The following DPY19L1 variants were observed in gnomAD, a reference collection of about 807,000 sequenced individuals.
DPY19L1 encodes the protein protein C-mannosyl-transferase DPY19L1.
Under a neutral mutation model 96.9 loss-of-function variants are expected in DPY19L1, and 35 were observed. The observed-to-expected ratio is 0.36, with a 90% confidence interval of 0.28 to 0.48. The LOEUF (loss-of-function observed/expected upper bound fraction) is 0.48, where lower values mean the gene tolerates loss of function less well. Ranked by LOEUF, DPY19L1 falls within the 20% of genes least tolerant of loss-of-function variation. The probability of loss-of-function intolerance (pLI) is 0.99; values close to 1 mark genes in which losing one functional copy is unlikely to be tolerated. For missense variants in DPY19L1, 521 were observed against 777.9 expected (o/e 0.67, Z 3.93); for synonymous variants, 205 against 252.6 (o/e 0.81, Z 1.79).
chr7:34,969,419 T>C lies in DPY19L1; in HGVS notation c.1014+14A>G. The C allele has an allele frequency of 2.1e-6, 3 of 1,421,600 alleles. No individual in the cohort carries two copies. Among genetic ancestry groups the C allele is most frequent in the East Asian group, 5.1e-5 (2 of 38,870 alleles). The allele number at this position is 1,421,600 out of a possible 1,614,324, so 88.1% of individuals were successfully genotyped here. A position where few individuals can be genotyped will look rare whatever the true frequency, so the allele number is the denominator to read the frequency against. ...ATGCTAAGCTTAAAACAGCTTAAAA[T>C]ATAATCACCTCACCTGAGTAAGAAG... On this transcript the variant is annotated intron_variant, in intron 9 of 21. Transcript: ENST00000638088.
intron 1 of DPY19L1, among the ~76,000 whole-genome samples, chr7:35,020,917 C>G (rs1490677403): frequency 3.3e-5 from 5 of 152,132 alleles, no homozygotes. Flanking sequence ...TCATGTTGGC[C>G]AGGCTTGTCT....
chr7:34,989,057 T>C (rs1395577313), intron 7 of DPY19L1, among the ~76,000 whole-genome samples: 3 of 152,166 alleles, frequency 2.0e-5, no homozygotes, highest in African/African-American at 4.8e-5. Flanking sequence ...CAGAGCCACA[T>C]AGCAGTCAGG....
intron 1 of DPY19L1, among the ~76,000 whole-genome samples, chr7:35,025,423 G>C (rs1786097523): frequency 6.6e-6 from 1 of 152,002 alleles, no homozygotes; most frequent in Non-Finnish European, 1.5e-5. Flanking sequence ...ATGGCATAAA[G>C]TCTAAGAACT....
chr7:34,947,826 G>C, intron 14 of DPY19L1, 125 bp from the exon 15 acceptor site: 1 of 710,754 alleles, frequency 1.4e-6, no homozygotes, highest in Non-Finnish European at 2.3e-6. Context: ...TCTACTCACT[G>C]ACTGCCATCA....
intron 4 of DPY19L1, among the ~76,000 whole-genome samples, chr7:35,012,095 A>C (rs928786674): frequency 6.6e-6 from 1 of 152,220 alleles, no homozygotes; most frequent in African/African-American, 2.4e-5. Flanking sequence ...CTCCATGGGA[A>C]CTGCCCATGG....
intron 16 of DPY19L1, among the ~76,000 whole-genome samples, chr7:34,945,268 T>C (rs968799925): frequency 6.6e-6 from 1 of 152,146 alleles, no homozygotes; most frequent in Non-Finnish European, 1.5e-5. Flanking sequence ...AATTCTCTGG[T>C]TCATCTGAAA....
chr7:35,005,885 T>C (rs1216475337), intron 6 of DPY19L1, among the ~76,000 whole-genome samples: 2 of 151,726 alleles, frequency 1.3e-5, no homozygotes, highest in East Asian at 3.9e-4. Context: ...CTGAGGCGGA[T>C]GGGAAGGAAC....
At chr7:34,950,842 T>C (rs570744378) in intron 13 of DPY19L1, among the ~76,000 whole-genome samples, 17 of 152,230 alleles carry the variant, frequency 1.1e-4, no homozygotes, top group Middle Eastern at 6.8e-3. Flanking sequence ...ACAATTACCA[T>C]ATATGTAAAG....
At chr7:35,031,743 C>G (rs1786265353) in intron 1 of DPY19L1, among the ~76,000 whole-genome samples, 1 of 152,058 alleles carries the variant, frequency 6.6e-6, no homozygotes, top group Non-Finnish European at 1.5e-5. Context: ...TATTTGGATG[C>G]TAATGAGCAT....
chr7:35,037,926 C>G (rs1786489411), upstream of DPY19L1: 3 of 1,233,508 alleles, frequency 2.4e-6, no homozygotes, highest in South Asian at 8.3e-5. Context: ...AAGGAAGAGC[C>G]CTCTCGGGAT....
chr7:35,001,152 G>A (rs989898302), intron 6 of DPY19L1, among the ~76,000 whole-genome samples: 7 of 152,150 alleles, frequency 4.6e-5, no homozygotes, highest in Admixed American at 6.5e-5. Context: ...TTAGAGCCTC[G>A]CACATAAGCG....
chr7:34,944,913 T>A (rs1784109937), intron 16 of DPY19L1, among the ~76,000 whole-genome samples: 1 of 152,194 alleles, frequency 6.6e-6, no homozygotes, highest in Admixed American at 6.5e-5. Context: ...TACTATTAAT[T>A]TTTAGAAATA....
chr7:34,968,457 C>T (rs1460002962), intron 9 of DPY19L1, among the ~76,000 whole-genome samples: 1 of 152,078 alleles, frequency 6.6e-6, no homozygotes, highest in Non-Finnish European at 1.5e-5. Flanking sequence ...CTTCATTTCC[C>T]AAGCAAGATG....
intron 10 of DPY19L1, 97 bp downstream of exon 10, chr7:34,966,797 G>T (rs1304054748): frequency 3.5e-6 from 4 of 1,138,354 alleles, no homozygotes; most frequent in Non-Finnish European, 4.8e-6. Context: ...TTTTAGTTAT[G>T]AAATTGTTAC....
intron 7 of DPY19L1, among the ~76,000 whole-genome samples, chr7:34,981,140 T>C (rs1784930344): frequency 6.6e-6 from 1 of 152,166 alleles, no homozygotes; most frequent in Non-Finnish European, 1.5e-5. Context: ...AGTTAAAATA[T>C]ACAAATCTTA....
At chr7:34,967,587 T>C (rs1427272762) in intron 9 of DPY19L1, among the ~76,000 whole-genome samples, 1 of 152,218 alleles carries the variant, frequency 6.6e-6, no homozygotes, top group African/African-American at 2.4e-5. Context: ...CTAAGAGTAC[T>C]GGAATTATTT....
Position 34,936,619 on chromosome 7 carries a change from A to G in DPY19L1, c.2090+1375T>C, listed in dbSNP as rs375281719. Among the ~76,000 whole-genome samples the G allele has an allele frequency of 4.0e-4, 61 of 152,330 alleles. 1 individual carries two copies. In the South Asian group the frequency reaches 0.013, roughly 32 times the overall value. On this transcript the variant is annotated intron_variant, in intron 21 of 21. Coordinates refer to ENST00000638088, the MANE Select transcript of DPY19L1 (RefSeq NM_001366673.1). ...GATGCTTAGAACTTTTCTGTCCTAAATTTATATAACAATGTTAAAGGTGAG... is the reference window on the plus strand; with the variant it reads ...GATGCTTAGAACTTTTCTGTCCTAAGTTTATATAACAATGTTAAAGGTGAG...
chr7:34,946,669 G>A (rs1237105588), intron 15 of DPY19L1, among the ~76,000 whole-genome samples: 1 of 152,216 alleles, frequency 6.6e-6, no homozygotes, highest in Admixed American at 6.5e-5. Flanking sequence ...GATTAAAAGT[G>A]CTGTCGGAGT....
At chr7:34,933,114 C>A (rs2128779403) in intron 21 of DPY19L1, among the ~76,000 whole-genome samples, 1 of 152,076 alleles carries the variant, frequency 6.6e-6, no homozygotes, top group East Asian at 1.9e-4. Flanking sequence ...ATAAACAATC[C>A]AGCATATATC....
Sources: allele counts gnomAD v4.1 joint callset (sites outside exome capture counted in the v4.1 genomes callset), GRCh38; gene constraint gnomAD v4.1.1; transcripts MANE v1.5; gene names NCBI Gene and HGNC (gene_info 2026-07-23, HGNC 2026-07-21).